Variants in GZMK observed in about 807,000 individuals in gnomAD.
GZMK encodes the protein granzyme K, also known as NK-Tryp-2.
GZMK carries 18 observed loss-of-function variants against 22.8 expected under a neutral mutation model. The observed-to-expected ratio is 0.79, with a 90% CI of 0.54 to 1.17. GZMK has a LOEUF of 1.17. GZMK is among the 50% of genes most tolerant of loss of function. GZMK has a pLI of 0.00. For missense variants in GZMK, 342 were observed against 320.2 expected (o/e 1.07, Z -0.52); for synonymous variants, 136 against 115.0 (o/e 1.18, Z -1.17).
intron 1 of GZMK, 107 bp downstream of exon 1, chr5:55,024,493 C>T: frequency 1.3e-6 from 1 of 771,676 alleles, no homozygotes; most frequent in Non-Finnish European, 2.2e-6. Flanking sequence ...TCTTTCTGAA[C>T]TGTAATGTAT....
rs867228118 is a variant in GZMK, at chr5:55,031,482, C to T, written c.482C>T (p.Ser161Leu). ...VTGWGATDPD[S>L]LRPSDTLREV... is the part of the protein sequence containing the mutation. ...GGCTGGGGAGCCACCGATCCAGATTCATTAAGACCTTCTGACACCCTGCGA... is the reference window on the plus strand; with the variant it reads ...GGCTGGGGAGCCACCGATCCAGATTTATTAAGACCTTCTGACACCCTGCGA... Residue 161 changes from serine to leucine, a missense_variant, in exon 4 of 5, where the codon TCA (serine) becomes TTA (leucine). Ser to Leu is a moderately radical substitution (Grantham distance 145). Coordinates refer to ENST00000231009, the MANE Select transcript of GZMK (RefSeq NM_002104.3). The T allele has an allele frequency of 6.2e-7, 1 of 1,614,040 alleles. No homozygotes were observed. Among genetic ancestry groups the T allele is most frequent in the African/African-American group, 1.3e-5 (1 of 74,932 alleles).
Position 55,034,470 on chromosome 5 carries a change from C to T in GZMK, c.*544C>T, listed in dbSNP as rs190799362. On this transcript the variant is annotated 3_prime_UTR_variant, in exon 5 of 5. Coordinates refer to ENST00000231009, the MANE Select transcript of GZMK (RefSeq NM_002104.3). ...TCTCTATTTCCCCACCACCCCCATC[C>T]TCTGGCAACCCCATTCTACTCTAAG... The T allele has an allele frequency of 6.6e-6, 1 of 152,338 alleles. No homozygotes were observed. Among genetic ancestry groups the T allele is most frequent in the East Asian group, 1.9e-4 (1 of 5,190 alleles). 9.4% of individuals were successfully genotyped at this position (152,338 alleles called of 1,614,324 possible).
At chr5:55,030,608 T>C in intron 3 of GZMK, 24 bp downstream of exon 3, 1 of 1,588,048 alleles carries the variant, frequency 6.3e-7, no homozygotes, top group Non-Finnish European at 8.6e-7. Flanking sequence ...TTGTCTTCCT[T>C]CTATTTTGTC....
At chr5:55,030,830 G>A (rs554095672) in intron 3 of GZMK, among the ~76,000 whole-genome samples, 7 of 151,842 alleles carry the variant, frequency 4.6e-5, no homozygotes, top group Non-Finnish European at 8.8e-5. Context: ...ATATGTAGGA[G>A]GGGAACATCT....
chr5:55,033,400 G>T (rs1340887091), intron 4 of GZMK, among the ~76,000 whole-genome samples: 1 of 152,154 alleles, frequency 6.6e-6, no homozygotes, highest in Non-Finnish European at 1.5e-5. Context: ...TATTTCAGTG[G>T]ATTATTTAAA....
chr5:55,024,814 C>A lies in GZMK; in HGVS notation c.212+7C>A, dbSNP rs780269229. On this transcript the variant is annotated splice_region_variant and intron_variant, in intron 2 of 4. Coordinates refer to ENST00000231009, the MANE Select transcript of GZMK (RefSeq NM_002104.3). The stretch of plus-strand genomic sequence containing the variant: ...CAGCCCACTGCCAATATCGGTGAGT[C>A]CTCCACACTTTTCCAGACATGTGTT... 1 of 1,554,450 alleles carries A rather than the reference C, an allele frequency of 6.4e-7. No individual in the cohort carries two copies. The highest frequency in any genetic ancestry group is 8.7e-7 in the Non-Finnish European group (1 of 1,143,322).
At chr5:55,024,552 ATTG>A (rs1036302306) in intron 1 of GZMK, 105 bp from the exon 2 acceptor site, 14 of 858,076 alleles carry the variant, frequency 1.6e-5, no homozygotes, top group East Asian at 1.6e-4. Flanking sequence ...AGGTAGGGTT[ATTG>A]TTGTTTTTTA....
Position 55,031,466 on chromosome 5 carries a change from G to T in GZMK, c.466G>T (p.Ala156Ser), listed in dbSNP as rs1561258725. 2 of 1,613,940 alleles carry T rather than the reference G, an allele frequency of 1.2e-6. No individual in the cohort carries two copies. The highest frequency in any genetic ancestry group is 1.7e-6 in the Non-Finnish European group (2 of 1,179,918). ...CAAATGCAAGGTTACTGGCTGGGGA[G>T]CCACCGATCCAGATTCATTAAGACC... ...GTKCKVTGWG[A>S]TDPDSLRPSD... The change falls in exon 4 of 5, where the codon GCC becomes TCC. Residue 156 changes from alanine (A) to serine (S), a missense_variant. Coordinates refer to ENST00000231009, the MANE Select transcript of GZMK (RefSeq NM_002104.3).
chr5:55,032,409 G>A (rs1022897349), intron 4 of GZMK: 4 of 152,210 alleles, frequency 2.6e-5, no homozygotes, highest in African/African-American at 9.7e-5. Flanking sequence ...GGAGGAATCA[G>A]ACTTTCAGAC....
At chr5:55,031,219 C>G (rs1455967765) in intron 3 of GZMK, 145 bp from the exon 4 acceptor site, 2 of 682,902 alleles carry the variant, frequency 2.9e-6, no homozygotes, top group Non-Finnish European at 5.1e-6. Flanking sequence ...AAGCAACAAC[C>G]ACAAATGCAG....
intron 4 of GZMK, chr5:55,032,760 T>C (rs1741254152): frequency 6.6e-6 from 1 of 152,166 alleles, no homozygotes; most frequent in Non-Finnish European, 1.5e-5. Flanking sequence ...AGAGTCATTA[T>C]GTTTTTCAAA....
rs777620371 is a variant in GZMK at position 55,031,497 on chromosome 5, A to G, written c.497A>G (p.Asp166Gly). The change falls in exon 4 of 5, where the codon GAC (aspartate) becomes GGC (glycine). Residue 166 changes from aspartate (D) to glycine (G), a missense_variant. Physicochemically the swap from Asp to Gly is moderately conservative, Grantham distance 94. Coordinates refer to ENST00000231009, the MANE Select transcript of GZMK (RefSeq NM_002104.3). ...ATDPDSLRPS[D>G]TLREVTVTVL... Reference sequence around the variant, plus strand: ...GATCCAGATTCATTAAGACCTTCTGACACCCTGCGAGAAGTCACTGTTACT... The same window carrying G: ...GATCCAGATTCATTAAGACCTTCTGGCACCCTGCGAGAAGTCACTGTTACT... 6.2e-6 allele frequency: 10 copies of G among 1,614,028 alleles called. No individual in the cohort carries two copies. In the South Asian group the frequency reaches 1.1e-4, roughly 18 times the overall value.
rs369110428 is a variant in GZMK at position 55,031,523 on chromosome 5, G to A, written c.523G>A (p.Val175Ile). ...CACCCTGCGAGAAGTCACTGTTACTGTCCTAAGTCGAAAACTTTGCAACAG... is the reference window on the plus strand; with the variant it reads ...CACCCTGCGAGAAGTCACTGTTACTATCCTAAGTCGAAAACTTTGCAACAG... The part of the protein sequence containing the change: ...SDTLREVTVT[V>I]LSRKLCNSQS... The change falls in exon 4 of 5, where the codon GTC becomes ATC. Residue 175 changes from valine to isoleucine, a missense_variant. By Grantham distance (29) the Val-to-Ile change is conservative. Transcript: ENST00000231009. 8.4e-5 allele frequency: 135 copies of A among 1,614,018 alleles called. No individual in the cohort carries two copies. Among genetic ancestry groups the A allele is most frequent in the Non-Finnish European group, 1.1e-4 (127 of 1,180,004 alleles).
chr5:55,031,429 T>G lies in GZMK; in HGVS notation c.429T>G (p.Leu143=). ...TCCACATAAGATCCAAAACCTCTCTTAGATCTGGAACCAAATGCAAGGTTA... is the reference window on the plus strand; with the variant it reads ...TCCACATAAGATCCAAAACCTCTCTGAGATCTGGAACCAAATGCAAGGTTA... ...KMLHIRSKTS[L]RSGTKCKVTG... Residue 143 remains leucine, a synonymous_variant, in exon 4 of 5, where the codon CTT becomes CTG. Coordinates refer to ENST00000231009, the MANE Select transcript of GZMK (RefSeq NM_002104.3). 6.2e-7 allele frequency: 1 copy of G among 1,613,746 alleles called. No individual in the cohort carries two copies. Among genetic ancestry groups the G allele is most frequent in the Non-Finnish European group, 8.5e-7 (1 of 1,179,626 alleles).
At chr5:55,025,043 T>C (rs1200963865) in intron 2 of GZMK, 5 of 350,788 alleles carry the variant, frequency 1.4e-5, no homozygotes, top group Non-Finnish European at 2.6e-5. Context: ...TCAAGTCCTC[T>C]GTATAATGCA....
intron 4 of GZMK, among the ~76,000 whole-genome samples, chr5:55,032,222 A>T (rs1302339375): frequency 6.6e-6 from 1 of 152,194 alleles, no homozygotes; most frequent in Non-Finnish European, 1.5e-5. Flanking sequence ...GTTCATAAAC[A>T]GCTTCTTTTC....
chr5:55,030,488 GAA>G lies in GZMK; in HGVS notation c.268_269del (p.Asn90Ter). 6.2e-7 allele frequency: 1 copy of G among 1,613,642 alleles called. No homozygotes were observed. The highest frequency in any genetic ancestry group is 8.5e-7 in the Non-Finnish European group (1 of 1,179,546). Reference protein sequence around the residue: ...VVLGAHSLSKNEASKQTLEIK... With the variant: ...VVLGAHSLSKXEASKQTLEIK... ...TTTTAGGCGCACACTCTCTCTCAAA[GAA>G]TGAGGCCTCCAAACAAACACTGGAG... is the stretch of plus-strand genomic sequence containing the variant. On this transcript the variant is annotated frameshift_variant, in exon 3 of 5. Coordinates refer to ENST00000231009, the MANE Select transcript of GZMK (RefSeq NM_002104.3). LOFTEE classifies it high-confidence loss of function.
rs200532050 is a variant in GZMK at position 55,031,600 on chromosome 5, A to C, written c.600A>C (p.Ala200=). The part of the protein sequence containing the change: ...DPFITKDMVC[A]GDAKGQKDSC... ...TTATCACCAAAGACATGGTCTGTGCAGGAGATGCCAAAGGCCAGAAGGATT... is the reference window on the plus strand; with the variant it reads ...TTATCACCAAAGACATGGTCTGTGCCGGAGATGCCAAAGGCCAGAAGGATT... The change falls in exon 4 of 5, where the codon GCA becomes GCC. Residue 200 remains alanine, a synonymous_variant. Coordinates refer to ENST00000231009, the MANE Select transcript of GZMK (RefSeq NM_002104.3). 72 of 1,613,944 alleles carry C rather than the reference A, an allele frequency of 4.5e-5. No homozygotes were observed. The Middle Eastern group carries it at 5.0e-4, about 11-fold the overall frequency.
In GZMK at chr5:55,024,737, G is replaced by A. The variant is rs202051718; in HGVS notation, c.142G>A (p.Gly48Arg). 50 of 1,610,402 alleles carry A rather than the reference G, an allele frequency of 3.1e-5. No individual in the cohort carries two copies. Among genetic ancestry groups the A allele is most frequent in the Admixed American group, 3.0e-4 (18 of 60,010 alleles). Reference sequence around the variant, plus strand: ...ATTTATGGCCTCCATCCAGTATGGCGGACATCACGTTTGTGGAGGTGTTCT... The same window carrying A: ...ATTTATGGCCTCCATCCAGTATGGCAGACATCACGTTTGTGGAGGTGTTCT... ...RPFMASIQYG[G>R]HHVCGGVLID... Residue 48 changes from glycine (G) to arginine (R), a missense_variant, in exon 2 of 5, where the codon GGA becomes AGA. Transcript: ENST00000231009.
Sources: gnomAD v4.1 joint callset for allele counts (sites outside exome capture counted in the v4.1 genomes callset) on GRCh38, gnomAD v4.1.1 for gene constraint, MANE v1.5 for transcripts, NCBI Gene and HGNC (gene_info 2026-07-23, HGNC 2026-07-21) for gene names.